The following PAPPA2 variants were observed in gnomAD, a reference collection of about 807,000 sequenced individuals.
PAPPA2 encodes pappalysin-2.
Under a neutral mutation model 176.4 loss-of-function variants are expected in PAPPA2, and 86 were observed. That is an observed-to-expected ratio of 0.49 (90% CI 0.41 to 0.58). PAPPA2 has a LOEUF of 0.58. Among genes scored for constraint, PAPPA2 ranks in the 20% least tolerant of loss-of-function variants. PAPPA2 has a pLI of 0.00. For missense variants in PAPPA2, 2,073 were observed against 2,256.9 expected, an observed-to-expected ratio of 0.92 and a Z score of 1.65; for synonymous variants, 809 against 852.2, an observed-to-expected ratio of 0.95 and a Z score of 0.88.
chr1:176,660,135 A>C (rs1357382735), intron 3 of PAPPA2, among the ~76,000 whole-genome samples: 1 of 152,104 alleles, frequency 6.6e-6, no homozygotes, highest in East Asian at 1.9e-4. Flanking sequence ...ATGTCCTTAA[A>C]GAAGGATAGC....
intron 1 of PAPPA2, among the ~76,000 whole-genome samples, chr1:176,522,145 C>A (rs1572996354): frequency 6.6e-6 from 1 of 152,286 alleles, no homozygotes; most frequent in East Asian, 1.9e-4. Context: ...CTGAACACAG[C>A]ATTTAAACAT....
intron 16 of PAPPA2, among the ~76,000 whole-genome samples, chr1:176,770,387 C>T (rs1664170631): frequency 6.6e-6 from 1 of 152,160 alleles, no homozygotes; most frequent in African/African-American, 2.4e-5. Context: ...TGTACTAAGG[C>T]ATATGGTATA....
intron 1 of PAPPA2, among the ~76,000 whole-genome samples, chr1:176,477,552 C>A (rs1377890502): frequency 2.6e-5 from 4 of 152,076 alleles, no homozygotes; most frequent in Admixed American, 6.5e-5. Flanking sequence ...CGAGATCATC[C>A]TGGCCAACAT....
At chr1:176,666,837 A>G (rs1256874980) in intron 3 of PAPPA2, among the ~76,000 whole-genome samples, 2 of 152,156 alleles carry the variant, frequency 1.3e-5, no homozygotes, top group Non-Finnish European at 2.9e-5. Context: ...GGAACTGAAA[A>G]TCTTAATGAG....
intron 12 of PAPPA2, among the ~76,000 whole-genome samples, chr1:176,714,499 T>C (rs953767752): frequency 2.0e-5 from 3 of 151,994 alleles, no homozygotes; most frequent in African/African-American, 7.3e-5. Flanking sequence ...CATATTAAAC[T>C]TTTAAAAAAT....
intron 21 of PAPPA2, among the ~76,000 whole-genome samples, chr1:176,837,348 T>C (rs937070655): frequency 6.6e-6 from 1 of 151,898 alleles, no homozygotes; most frequent in South Asian, 2.1e-4. Context: ...ATAAATCATC[T>C]CTGAGGGGTG....
intron 14 of PAPPA2, among the ~76,000 whole-genome samples, chr1:176,749,520 C>G (rs1401152404): frequency 6.6e-6 from 1 of 152,174 alleles, no homozygotes. Context: ...TGTGCTTGGG[C>G]AAATGTGTAA....
At chr1:176,693,485 G>A (rs753310424) in intron 6 of PAPPA2, among the ~76,000 whole-genome samples, 16 of 152,204 alleles carry the variant, frequency 1.1e-4, no homozygotes, top group Non-Finnish European at 2.4e-4. Flanking sequence ...CTTTCCCTCT[G>A]GGTGTCAGGC....
intron 21 of PAPPA2, among the ~76,000 whole-genome samples, chr1:176,801,333 C>T (rs1004228765): frequency 6.6e-6 from 1 of 152,094 alleles, no homozygotes; most frequent in Non-Finnish European, 1.5e-5. Flanking sequence ...ACACCCAACC[C>T]ACATGCATGT....
At chr1:176,579,190 A>G (rs887388449) in intron 2 of PAPPA2, among the ~76,000 whole-genome samples, 1 of 152,162 alleles carries the variant, frequency 6.6e-6, no homozygotes, top group African/African-American at 2.4e-5. Context: ...AGCAGTTCCT[A>G]GCTGGGCTAT....
At chr1:176,711,383 A>T (rs1278984345) in intron 11 of PAPPA2, among the ~76,000 whole-genome samples, 1 of 152,080 alleles carries the variant, frequency 6.6e-6, no homozygotes, top group Non-Finnish European at 1.5e-5. Flanking sequence ...TGTCTTCCCT[A>T]AGTGAAGTGG....
chr1:176,732,360 T>TA (rs1442162463), intron 12 of PAPPA2, among the ~76,000 whole-genome samples: 1 of 152,188 alleles, frequency 6.6e-6, no homozygotes, highest in Non-Finnish European at 1.5e-5. Context: ...ATTAACCAGT[T>TA]AAGTGACCTT....
intron 12 of PAPPA2, among the ~76,000 whole-genome samples, chr1:176,725,010 A>G (rs1185273745): frequency 6.6e-6 from 1 of 152,124 alleles, no homozygotes; most frequent in Admixed American, 6.5e-5. Context: ...TTTTGGAAAC[A>G]TTTTCTATAA....
At chr1:176,695,678 T>C (rs1044006845) in intron 6 of PAPPA2, 60 bp from the exon 7 acceptor site, 2 of 1,584,398 alleles carry the variant, frequency 1.3e-6, no homozygotes, top group Admixed American at 3.4e-5. Context: ...CTAATTTTCT[T>C]ATCCCAACTC....
At chr1:176,532,911 A>G (rs546418946) in intron 1 of PAPPA2, among the ~76,000 whole-genome samples, 1 of 152,202 alleles carries the variant, frequency 6.6e-6, no homozygotes, top group South Asian at 2.1e-4. Context: ...ACCCTGCACT[A>G]GGCTTCCAGC....
intron 12 of PAPPA2, among the ~76,000 whole-genome samples, chr1:176,717,234 C>T (rs535686249): frequency 6.6e-6 from 1 of 152,174 alleles, no homozygotes; most frequent in East Asian, 1.9e-4. Flanking sequence ...TTGAAACAGC[C>T]TACAGTGAAG....
At chr1:176,715,897 A>G (rs1195016667) in intron 12 of PAPPA2, among the ~76,000 whole-genome samples, 4 of 152,132 alleles carry the variant, frequency 2.6e-5, no homozygotes, top group Non-Finnish European at 5.9e-5. Context: ...ATAATACTTG[A>G]TAACAAACTA....
At chr1:176,745,175 G>A (rs145373575) in intron 14 of PAPPA2, among the ~76,000 whole-genome samples, 222 of 152,262 alleles carry the variant, frequency 1.5e-3, no homozygotes, top group African/African-American at 5.1e-3. Context: ...CTTTGCCAAC[G>A]GGTATCATGT....
rs192270484 is a variant in PAPPA2 at position 176,482,363 on chromosome 1, C to A, written c.-917+18945C>A. Reference sequence around the variant, plus strand: ...TACTGTTTATTTAGAGTTAGGAGACCTGTCTTATAGATTCAACTTCATCAT... The same window carrying A: ...TACTGTTTATTTAGAGTTAGGAGACATGTCTTATAGATTCAACTTCATCAT... On this transcript the variant is annotated intron_variant, in intron 1 of 22. Transcript: ENST00000367662. Among the ~76,000 whole-genome samples, 108 of 152,278 alleles carry A rather than the reference C, an allele frequency of 7.1e-4. No homozygotes were observed. In the Middle Eastern group the frequency reaches 0.01, roughly 14 times the overall value.
Sources: allele counts gnomAD v4.1 joint callset (sites outside exome capture counted in the v4.1 genomes callset), GRCh38; gene constraint gnomAD v4.1.1; transcripts MANE v1.5; gene names NCBI Gene and HGNC (gene_info 2026-07-23, HGNC 2026-07-21).